Variants in SYT2 observed in about 807,000 individuals in gnomAD.
The protein encoded by SYT2 is synaptotagmin 2.
Under a neutral mutation model 39.9 loss-of-function variants are expected in SYT2, and 15 were observed. The observed-to-expected ratio is 0.38, with a 90% confidence interval of 0.25 to 0.58. SYT2 has a LOEUF of 0.58. SYT2 is among the 20% of genes least tolerant of loss of function. The pLI is 0.70. For synonymous variants in SYT2, 181 were observed against 204.5 expected (o/e 0.89, Z 0.98); for missense variants, 389 against 530.3 (o/e 0.73, Z 2.62).
At chr1:202,600,597 C>T (rs1690465005) in intron 6 of SYT2, 123 bp from the exon 7 acceptor site, 4 of 813,458 alleles carry the variant, frequency 4.9e-6, no homozygotes, top group South Asian at 1.5e-5. Flanking sequence ...CATCACCAGT[C>T]CCCATATATG....
intron 1 of SYT2, among the ~76,000 whole-genome samples, chr1:202,671,921 A>G (rs1692595979): frequency 6.6e-6 from 1 of 152,258 alleles, no homozygotes; most frequent in Admixed American, 6.5e-5. Flanking sequence ...CAGGGAAGAT[A>G]GCAAATGATT....
At chr1:202,622,252 A>G (rs2362961) in intron 1 of SYT2, among the ~76,000 whole-genome samples, 2 of 152,228 alleles carry the variant, frequency 1.3e-5, no homozygotes, top group East Asian at 1.9e-4. Context: ...ATTTGGTCCT[A>G]GGAGGCTGAG....
At chr1:202,602,165 C>T (rs1040860320) in intron 5 of SYT2, 108 bp from the exon 6 acceptor site, 19 of 1,360,282 alleles carry the variant, frequency 1.4e-5, no homozygotes, top group Admixed American at 1.3e-4. Flanking sequence ...GTTAGTGTGC[C>T]GAGACAGACA....
chr1:202,599,254 C>T lies in SYT2; in HGVS notation c.1017G>A (p.Glu339=), dbSNP rs775014834. The T allele has an allele frequency of 1.2e-5, 20 of 1,612,952 alleles. No individual in the cohort carries two copies. The African/African-American group carries it at 2.3e-4, about 18-fold the overall frequency. Residue 339 remains glutamate (E), a synonymous_variant, in exon 8 of 9, where the codon GAG becomes GAA. Coordinates refer to ENST00000367268, the MANE Select transcript of SYT2 (RefSeq NM_177402.5). This position sits in a 1 kb window ranked among gnomAD's most constrained non-coding sequence, Gnocchi z 4.4. ...KKKTLNPYFN[E]SFSFEIPFEQ... ...CGAAGGGGATCTCAAAGCTGAAGGA[C>T]TCGTTGAAGTATGGGTTCAGGGTCT...
At chr1:202,622,714 A>G (rs958956377) in intron 1 of SYT2, among the ~76,000 whole-genome samples, 1 of 152,074 alleles carries the variant, frequency 6.6e-6, no homozygotes, top group African/African-American at 2.4e-5. Context: ...GACAGCTTCC[A>G]TGATCAAAGG....
intron 1 of SYT2, 57 bp from the exon 2 acceptor site, chr1:202,605,846 G>C: frequency 1.5e-6 from 2 of 1,365,446 alleles, no homozygotes; most frequent in Non-Finnish European, 2.1e-6. Context: ...CTTACCCTGA[G>C]AAAGCCCTGC....
At chr1:202,700,030 G>T (rs1176542903) in intron 1 of SYT2, among the ~76,000 whole-genome samples, 2 of 152,104 alleles carry the variant, frequency 1.3e-5, no homozygotes, top group African/African-American at 4.8e-5. Context: ...ACCTCAATAG[G>T]CAAGGCAGAT....
chr1:202,619,776 C>A (rs1422907930), intron 1 of SYT2, among the ~76,000 whole-genome samples: 1 of 152,218 alleles, frequency 6.6e-6, no homozygotes, highest in African/African-American at 2.4e-5. Flanking sequence ...CACTGCAGAC[C>A]TGGAGGGCAT....
chr1:202,698,180 C>T (rs1654023118), intron 1 of SYT2, among the ~76,000 whole-genome samples: 1 of 152,160 alleles, frequency 6.6e-6, no homozygotes, highest in African/African-American at 2.4e-5. Flanking sequence ...TCCCTTTCAT[C>T]TTTTACCATG....
Position 202,605,809 on chromosome 1 carries a change from A to C in SYT2, c.-17-20T>G, listed in dbSNP as rs199974910. Reference sequence around the variant, plus strand: ...AAACAGCTGGGGACGAGAGGTGAAGAGGGCAGGGTGAGCATCCAGAGGTCG... The same window carrying C: ...AAACAGCTGGGGACGAGAGGTGAAGCGGGCAGGGTGAGCATCCAGAGGTCG... On this transcript the variant is annotated intron_variant, in intron 1 of 8. Coordinates refer to ENST00000367268, the MANE Select transcript of SYT2 (RefSeq NM_177402.5). 14 of 1,603,778 alleles carry C rather than the reference A, an allele frequency of 8.7e-6. No individual in the cohort carries two copies. The Admixed American group carries it at 2.0e-4, about 23-fold the overall frequency.
intron 1 of SYT2, among the ~76,000 whole-genome samples, chr1:202,700,725 T>C (rs896152894): frequency 2.0e-5 from 3 of 152,240 alleles, no homozygotes; most frequent in Non-Finnish European, 4.4e-5. Flanking sequence ...AGCTAGAGTT[T>C]TATATCAACT....
In SYT2 at chr1:202,626,951, T is replaced by A. The variant is rs553721045; in HGVS notation, c.-17-21162A>T. ...GTGCTGGCACAAAGTGGACCCTAAA[T>A]ACTCATTTCCTTTCCTCAGTTCTCC... is the stretch of plus-strand genomic sequence containing the variant. On this transcript the variant is annotated intron_variant, in intron 1 of 8. Transcript: ENST00000367268. Among the ~76,000 whole-genome samples the A allele has an allele frequency of 2.0e-5, 3 of 152,330 alleles. No individual in the cohort carries two copies. The South Asian group carries it at 6.2e-4, about 32-fold the overall frequency.
intron 1 of SYT2, among the ~76,000 whole-genome samples, chr1:202,660,683 A>T (rs1692359553): frequency 1.3e-5 from 2 of 152,110 alleles, no homozygotes; most frequent in African/African-American, 4.8e-5. Context: ...GGGTCTTGCT[A>T]TTCTGCCCAG....
chr1:202,672,388 G>A (rs1301415878), intron 1 of SYT2, among the ~76,000 whole-genome samples: 1 of 152,082 alleles, frequency 6.6e-6, no homozygotes, highest in East Asian at 1.9e-4. Flanking sequence ...TGACATCTGC[G>A]AGCCAGGAAG....
At chr1:202,671,329 A>G (rs886580740) in intron 1 of SYT2, among the ~76,000 whole-genome samples, 1 of 152,244 alleles carries the variant, frequency 6.6e-6, no homozygotes, top group Non-Finnish European at 1.5e-5. Context: ...GGTGGAGGCC[A>G]GTCCCCAGCA....
At chr1:202,666,093 C>T (rs1692476969) in intron 1 of SYT2, among the ~76,000 whole-genome samples, 1 of 145,782 alleles carries the variant, frequency 6.9e-6, no homozygotes, top group Non-Finnish European at 1.5e-5. Context: ...GCGGAGCTTG[C>T]AGTGAGCCGA....
intron 1 of SYT2, among the ~76,000 whole-genome samples, chr1:202,688,357 G>A (rs931104754): frequency 3.9e-5 from 6 of 152,178 alleles, no homozygotes; most frequent in African/African-American, 7.2e-5. Flanking sequence ...CTGTCGTTAT[G>A]CTCTGTCCTG....
At chr1:202,666,059 A>G (rs1349747575) in intron 1 of SYT2, among the ~76,000 whole-genome samples, 1 of 150,854 alleles carries the variant, frequency 6.6e-6, no homozygotes, top group African/African-American at 2.4e-5. Context: ...AGGTTGAGGC[A>G]GGAGAATGGC....
chr1:202,632,060 G>A, intron 1 of SYT2: 1 of 985,428 alleles, frequency 1.0e-6, no homozygotes, highest in Non-Finnish European at 1.2e-6. Context: ...CTGCAGGAAG[G>A]GGCTGAGGTG....
Sources: allele counts gnomAD v4.1 joint callset (sites outside exome capture counted in the v4.1 genomes callset), GRCh38; gene constraint gnomAD v4.1.1; non-coding constraint Gnocchi (gnomAD v3.1); transcripts MANE v1.5; gene names NCBI Gene and HGNC (gene_info 2026-07-23, HGNC 2026-07-21).